The following SLC44A5 variants were observed in gnomAD, a reference collection of about 807,000 sequenced individuals.
SLC44A5 encodes the protein solute carrier family 44 member 5.
In SLC44A5, 57 loss-of-function variants were observed where a neutral mutation model predicts 101.8. That is an observed-to-expected ratio of 0.56 (90% CI 0.45 to 0.70). The LOEUF is 0.70. SLC44A5 is among the 30% of genes least tolerant of loss of function. The pLI is 0.00. For missense variants in SLC44A5, 737 were observed against 853.1 expected (o/e 0.86, Z 1.70); for synonymous variants, 281 against 290.9 (o/e 0.97, Z 0.35).
chr1:75,652,780 T>G, the SLC44A5 span, among the ~76,000 whole-genome samples: 1 of 152,156 alleles, frequency 6.6e-6, no homozygotes, highest in Non-Finnish European at 1.5e-5. Context: ...GGAGACACAG[T>G]GAGACCCTGT....
At chr1:75,520,336 G>GT (rs998276320) in intron 2 of SLC44A5, among the ~76,000 whole-genome samples, 41 of 152,212 alleles carry the variant, frequency 2.7e-4, no homozygotes, top group African/African-American at 8.7e-4. Flanking sequence ...TCTAAAAATT[G>GT]TTTTTAAATT....
chr1:75,596,344 A>T (rs770210882), intron 1 of SLC44A5, among the ~76,000 whole-genome samples: 3 of 152,170 alleles, frequency 2.0e-5, no homozygotes, highest in Non-Finnish European at 4.4e-5. Flanking sequence ...CACCAGACAG[A>T]TTCACAGCTG....
the SLC44A5 span, among the ~76,000 whole-genome samples, chr1:75,721,549 G>C: frequency 6.6e-6 from 1 of 152,088 alleles, no homozygotes. Flanking sequence ...ACCAATAGTG[G>C]GACAAATCTG....
At chr1:75,477,398 G>C (rs1339276237) in intron 2 of SLC44A5, among the ~76,000 whole-genome samples, 2 of 152,240 alleles carry the variant, frequency 1.3e-5, no homozygotes, top group Non-Finnish European at 2.9e-5. Flanking sequence ...GAACAAAGCT[G>C]TACGGAGAAT....
chr1:75,587,221 C>A lies in SLC44A5; in HGVS notation c.-70+23819G>T, dbSNP rs536068890. ...TGGGAAATTCAGCATTAGAGGAATG[C>A]AGCTGAGCTAATTAAGCAAGGGTCC... On this transcript the variant is annotated intron_variant, in intron 1 of 23. Transcript: ENST00000370859. 5.3e-5 allele frequency among the ~76,000 whole-genome samples: 8 copies of A among 152,216 alleles called. No homozygotes were observed. The South Asian group carries it at 1.7e-3, about 32-fold the overall frequency.
intron 3 of SLC44A5, among the ~76,000 whole-genome samples, chr1:75,358,241 T>G (rs1310317086): frequency 1.3e-5 from 2 of 152,100 alleles, no homozygotes; most frequent in African/African-American, 2.4e-5. Flanking sequence ...ATAATGTAAA[T>G]CAACATACAG....
At chr1:75,663,123 A>C in the SLC44A5 span, among the ~76,000 whole-genome samples, 3 of 152,156 alleles carry the variant, frequency 2.0e-5, no homozygotes, top group Admixed American at 2.0e-4. Context: ...TAGATAATAG[A>C]GTTACTCTCT....
At chr1:75,469,710 C>A (rs538559984) in intron 2 of SLC44A5, among the ~76,000 whole-genome samples, 158 of 151,994 alleles carry the variant, frequency 1.0e-3, no homozygotes, top group South Asian at 1.9e-3. Context: ...TTGAGACCAA[C>A]GGGAGACATA....
At position 75,372,594 on chromosome 1, in the gene SLC44A5, G is replaced by A. The variant is rs59363764; in HGVS notation, c.52+23989C>T. Among the ~76,000 whole-genome samples the A allele has an allele frequency of 8.0e-3, 1,213 of 152,228 alleles. 26 individuals are homozygous for A. Among genetic ancestry groups the A allele is most frequent in the African/African-American group, 0.027 (1,139 of 41,536 alleles). On this transcript the variant is annotated intron_variant, in intron 3 of 23. Transcript: ENST00000370859. ...TGAACAATGGTCAAAATGGGTTAAA[G>A]AATCACATATTGTTAGTAAACCAGA...
In SLC44A5 at chr1:75,333,686, T is replaced by C. The variant is rs531431116; in HGVS notation, c.101+5896A>G. On this transcript the variant is annotated intron_variant, in intron 4 of 23. Transcript: ENST00000370859. ...TTTGAAGTTCAGTAGGAGAGGCAGA[T>C]AATAAAGAGATTAATGTGATCAGTG... Among the ~76,000 whole-genome samples the C allele has an allele frequency of 5.3e-5, 8 of 152,292 alleles. No homozygotes were observed. The East Asian group carries it at 1.5e-3, about 29-fold the overall frequency.
At chr1:75,332,986 T>C (rs1364250138) in intron 4 of SLC44A5, among the ~76,000 whole-genome samples, 1 of 152,162 alleles carries the variant, frequency 6.6e-6, no homozygotes, top group Non-Finnish European at 1.5e-5. Flanking sequence ...TTTCTAATTG[T>C]ATAGGAGACT....
intron 2 of SLC44A5, among the ~76,000 whole-genome samples, chr1:75,446,295 A>G (rs1161471462): frequency 1.3e-5 from 2 of 152,004 alleles, no homozygotes; most frequent in African/African-American, 2.4e-5. Flanking sequence ...CTCTAATCAT[A>G]TCTCCCCCTC....
chr1:75,296,737 C>T (rs574094036), intron 5 of SLC44A5, among the ~76,000 whole-genome samples: 1 of 152,262 alleles, frequency 6.6e-6, no homozygotes, highest in South Asian at 2.1e-4. Context: ...TGAACACCAC[C>T]TGGTCTCAAA....
At chr1:75,354,982 A>G (rs1658960814) in intron 3 of SLC44A5, among the ~76,000 whole-genome samples, 1 of 152,170 alleles carries the variant, frequency 6.6e-6, no homozygotes, top group African/African-American at 2.4e-5. Flanking sequence ...ATATTACTTC[A>G]TTATGTCATA....
rs574502030 is a variant in SLC44A5, at chr1:75,487,495, A to C, written c.13+53940T>G. Among the ~76,000 whole-genome samples, 4 of 152,340 alleles carry C rather than the reference A, an allele frequency of 2.6e-5. No homozygotes were observed. The South Asian group carries it at 8.3e-4, about 32-fold the overall frequency. On this transcript the variant is annotated intron_variant, in intron 2 of 23. Transcript: ENST00000370859. ...ACACATACTGCATAGAAAATGTCTT[A>C]TCTAAGACCAGTTAATTGTTCGGGG...
chr1:75,218,585 G>C lies in SLC44A5; in HGVS notation c.1434C>G (p.Ala478=). ...INFVIALGQC[A]LAGAFATYYW... is the part of the protein sequence containing the mutation. ...AATAAGTAGCGAATGCACCAGCAAGGGCGCACTGACCTAATGCAATGACGA... is the reference window on the plus strand; with the variant it reads ...AATAAGTAGCGAATGCACCAGCAAGCGCGCACTGACCTAATGCAATGACGA... Residue 478 remains alanine, a synonymous_variant, in exon 17 of 24, where the codon GCC becomes GCG. Coordinates refer to ENST00000370859, the MANE Select transcript of SLC44A5 (RefSeq NM_001130058.2). The C allele has an allele frequency of 6.2e-7, 1 of 1,613,806 alleles. No individual in the cohort carries two copies. Among genetic ancestry groups the C allele is most frequent in the Non-Finnish European group, 8.5e-7 (1 of 1,179,812 alleles).
intron 1 of SLC44A5, among the ~76,000 whole-genome samples, chr1:75,597,480 G>A (rs562003303): frequency 6.6e-6 from 1 of 152,124 alleles, no homozygotes; most frequent in South Asian, 2.1e-4. Flanking sequence ...AAAAGAGCCT[G>A]AATAGCCAAG....
chr1:75,600,247 A>G (rs1674892032), intron 1 of SLC44A5, among the ~76,000 whole-genome samples: 1 of 152,182 alleles, frequency 6.6e-6, no homozygotes, highest in Non-Finnish European at 1.5e-5. Flanking sequence ...GTGCAAGCAG[A>G]CAGATAAAGA....
intron 2 of SLC44A5, among the ~76,000 whole-genome samples, chr1:75,499,025 C>G (rs1668810105): frequency 6.6e-6 from 1 of 152,150 alleles, no homozygotes; most frequent in South Asian, 2.1e-4. Context: ...TAAATGAATA[C>G]TTACCACAGT....
Sources: gnomAD v4.1 joint callset for allele counts (sites outside exome capture counted in the v4.1 genomes callset) on GRCh38, gnomAD v4.1.1 for gene constraint, MANE v1.5 for transcripts, NCBI Gene and HGNC (gene_info 2026-07-23, HGNC 2026-07-21) for gene names.